PARVA: variants seen among roughly 807,000 people sequenced by gnomAD.
The protein encoded by PARVA is parvin alpha.
Under a neutral mutation model 52.6 loss-of-function variants are expected in PARVA, and 25 were observed. The observed-to-expected ratio is 0.48, with a 90% CI of 0.35 to 0.66. PARVA has a LOEUF of 0.66. Ranked by LOEUF, PARVA falls within the 30% of genes least tolerant of loss-of-function variation. The probability of loss-of-function intolerance (pLI) is 0.01; values close to 1 mark genes in which losing one functional copy is unlikely to be tolerated. For missense variants in PARVA, 373 were observed against 450.9 expected, an observed-to-expected ratio of 0.83 and a Z score of 1.56; for synonymous variants, 185 against 179.1, an observed-to-expected ratio of 1.03 and a Z score of -0.26.
rs1471302879 is a variant in PARVA at position 12,529,791 on chromosome 11, G to A, written c.*1866G>A. On this transcript the variant is annotated 3_prime_UTR_variant, in exon 13 of 13. Coordinates refer to ENST00000334956, the MANE Select transcript of PARVA (RefSeq NM_018222.5). ...TCTTAGAATTGTCACTCAGCATAAT[G>A]AGCATTTAACATACAAAGGCAATGT... 6.6e-6 allele frequency: 1 copy of A among 152,134 alleles called. No individual in the cohort carries two copies. Among genetic ancestry groups the A allele is most frequent in the Non-Finnish European group, 1.5e-5 (1 of 68,020 alleles). 9.4% of individuals were successfully genotyped at this position (152,134 alleles called of 1,614,324 possible). A position where few individuals can be genotyped will look rare whatever the true frequency, so the allele number is the denominator to read the frequency against.
At chr11:12,438,003 G>A (rs1344566473) in intron 1 of PARVA, among the ~76,000 whole-genome samples, 1 of 152,156 alleles carries the variant, frequency 6.6e-6, no homozygotes, top group African/African-American at 2.4e-5. Context: ...GCTTACGTCT[G>A]TAATCCCAGC....
chr11:12,438,471 C>A (rs1343518744), intron 1 of PARVA, among the ~76,000 whole-genome samples: 2 of 152,112 alleles, frequency 1.3e-5, no homozygotes, highest in African/African-American at 4.8e-5. Context: ...AACTAATCCA[C>A]TCCTGCAATA....
At chr11:12,510,690 A>T (rs558605318) in intron 7 of PARVA, among the ~76,000 whole-genome samples, 6 of 152,348 alleles carry the variant, frequency 3.9e-5, no homozygotes, top group East Asian at 1.9e-4. Flanking sequence ...ATGAGGAAGA[A>T]GCAAAAGAGG....
intron 1 of PARVA, among the ~76,000 whole-genome samples, chr11:12,410,989 G>A (rs1010675804): frequency 6.6e-6 from 1 of 152,176 alleles, no homozygotes; most frequent in African/African-American, 2.4e-5. Flanking sequence ...GTGTGATACT[G>A]ACGATCCCTA....
intron 11 of PARVA, among the ~76,000 whole-genome samples, chr11:12,518,161 G>A (rs565610304): frequency 6.6e-6 from 1 of 152,196 alleles, no homozygotes; most frequent in East Asian, 1.9e-4. Context: ...TTCCAGACGT[G>A]TGCACTGACA....
chr11:12,471,798 G>T (rs1940938206), intron 1 of PARVA, among the ~76,000 whole-genome samples: 2 of 152,236 alleles, frequency 1.3e-5, no homozygotes, highest in Non-Finnish European at 2.9e-5. Context: ...AGCTCAAGTG[G>T]CTAGTAGCTA....
chr11:12,517,303 A>ACCCCCCCCCCCCCCC (rs1564869136), intron 10 of PARVA, among the ~76,000 whole-genome samples: 5 of 112,486 alleles, frequency 4.4e-5, no homozygotes, highest in Admixed American at 9.2e-5. Context: ...AGCCACACTG[A>ACCCCCCCCCCCCCCC]CCACCCCCCA....
chr11:12,414,692 G>A (rs566629218), intron 1 of PARVA, among the ~76,000 whole-genome samples: 21 of 150,506 alleles, frequency 1.4e-4, no homozygotes, highest in South Asian at 4.2e-4. Context: ...ATATTCAAAC[G>A]AGTCCTTATA....
chr11:12,458,886 T>TA (rs1416234565), intron 1 of PARVA, among the ~76,000 whole-genome samples: 2 of 152,222 alleles, frequency 1.3e-5, no homozygotes, highest in African/African-American at 4.8e-5. Flanking sequence ...CAGTAGGGAT[T>TA]AAGCCCCAGT....
chr11:12,388,384 G>A (rs1182153485), intron 1 of PARVA, among the ~76,000 whole-genome samples: 1 of 152,236 alleles, frequency 6.6e-6, no homozygotes, highest in Admixed American at 6.5e-5. Flanking sequence ...CGTGACCAGT[G>A]TCACTGTCTT....
At chr11:12,395,971 A>T (rs1206406233) in intron 1 of PARVA, among the ~76,000 whole-genome samples, 1 of 152,230 alleles carries the variant, frequency 6.6e-6, no homozygotes, top group Non-Finnish European at 1.5e-5. Context: ...ATCCTTGGCA[A>T]TGCTCTGAGC....
At chr11:12,483,705 C>T (rs771405722) in intron 4 of PARVA, among the ~76,000 whole-genome samples, 11 of 152,286 alleles carry the variant, frequency 7.2e-5, no homozygotes, top group Admixed American at 2.6e-4. Flanking sequence ...GAAGGGGCAT[C>T]GCTGTCATCC....
chr11:12,392,233 A>T (rs1007723764), intron 1 of PARVA, among the ~76,000 whole-genome samples: 1 of 150,462 alleles, frequency 6.6e-6, no homozygotes, highest in African/African-American at 2.4e-5. Context: ...TCAAGGTTTC[A>T]TCTATGTTGT....
intron 1 of PARVA, among the ~76,000 whole-genome samples, chr11:12,462,397 C>T (rs993323418): frequency 6.6e-6 from 1 of 152,052 alleles, no homozygotes; most frequent in Admixed American, 6.6e-5. Context: ...TTGAGCCTTG[C>T]CCCCACTGCT....
chr11:12,520,883 G>A (rs1448479115), intron 12 of PARVA, among the ~76,000 whole-genome samples: 1 of 152,170 alleles, frequency 6.6e-6, no homozygotes, highest in African/African-American at 2.4e-5. Context: ...AGCCTGGGAG[G>A]CGGAAGTTGC....
intron 1 of PARVA, among the ~76,000 whole-genome samples, chr11:12,396,257 G>A (rs1939743822): frequency 6.6e-6 from 1 of 152,204 alleles, no homozygotes; most frequent in Admixed American, 6.5e-5. Flanking sequence ...CTTTTCTGAA[G>A]TATTTATTTT....
At chr11:12,465,383 A>G (rs1016934884) in intron 1 of PARVA, among the ~76,000 whole-genome samples, 14 of 151,914 alleles carry the variant, frequency 9.2e-5, no homozygotes, top group Non-Finnish European at 1.9e-4. Flanking sequence ...TGTAAGAAAT[A>G]TTTTTTTTCT....
chr11:12,465,771 T>A (rs1940845819), intron 1 of PARVA, among the ~76,000 whole-genome samples: 1 of 152,348 alleles, frequency 6.6e-6, no homozygotes, highest in Admixed American at 6.5e-5. Flanking sequence ...TTAGAGGATA[T>A]CTTGGTTGCT....
At chr11:12,514,148 G>T in intron 10 of PARVA, 83 bp downstream of exon 10, 1 of 1,071,228 alleles carries the variant, frequency 9.3e-7, no homozygotes, top group East Asian at 2.4e-5. Flanking sequence ...ACTTGGCCAG[G>T]AGGGCTTTCC....
Sources: gnomAD v4.1 joint callset for allele counts (sites outside exome capture counted in the v4.1 genomes callset) on GRCh38, gnomAD v4.1.1 for gene constraint, MANE v1.5 for transcripts, NCBI Gene and HGNC (gene_info 2026-07-23, HGNC 2026-07-21) for gene names.